The following RYR1 variants were observed in gnomAD, a reference collection of about 807,000 sequenced individuals.
RYR1 encodes central core disease of muscle.
A neutral mutation model predicts 583.5 loss-of-function variants in RYR1; 342 were observed. The observed-to-expected ratio is 0.59, with a 90% CI of 0.54 to 0.64. The LOEUF (loss-of-function observed/expected upper bound fraction) is 0.64, where lower values mean the gene tolerates loss of function less well. Among genes scored for constraint, RYR1 ranks in the 30% least tolerant of loss-of-function variants. The pLI is 0.00. For missense variants in RYR1, 6,032 were observed against 6,917.2 expected, an observed-to-expected ratio of 0.87 and a Z score of 4.54; for synonymous variants, 2,791 against 2,822.5, an observed-to-expected ratio of 0.99 and a Z score of 0.35.
intron 20 of RYR1, among the ~76,000 whole-genome samples, chr19:38,462,067 A>G (rs866903499): frequency 6.6e-6 from 1 of 152,134 alleles, no homozygotes; most frequent in South Asian, 2.1e-4. Flanking sequence ...AAGAAGAAAG[A>G]AAGAAAGGAC....
Position 38,490,730 on chromosome 19 carries a change from G to C in RYR1, c.6125G>C (p.Cys2042Ser). 1 of 1,596,398 alleles carries C rather than the reference G, an allele frequency of 6.3e-7. No individual in the cohort carries two copies. The highest frequency in any genetic ancestry group is 1.7e-4 in the Middle Eastern group (1 of 6,026). Residue 2042 changes from cysteine to serine, a missense_variant and splice_region_variant, in exon 37 of 106, where the codon TGT (cysteine) becomes TCT (serine). Transcript: ENST00000359596. Reference protein sequence around the residue: ...LDFHQDLLAHCGIQLDGEEEE... With the variant: ...LDFHQDLLAHSGIQLDGEEEE... ...TTTCATCAAGACCTGCTGGCACACTGTGGTAAGGAGTGGGGATCAGAGAGT... is the reference window on the plus strand; with the variant it reads ...TTTCATCAAGACCTGCTGGCACACTCTGGTAAGGAGTGGGGATCAGAGAGT...
intron 24 of RYR1, 103 bp downstream of exon 24, chr19:38,466,501 C>CTTT (rs869097541): frequency 2.0e-4 from 126 of 641,738 alleles, no homozygotes; most frequent in African/African-American, 7.7e-4. Flanking sequence ...TGGGCTATAT[C>CTTT]TTTTTTTTTT....
intron 93 of RYR1, 127 bp downstream of exon 93, chr19:38,568,044 T>A: frequency 8.7e-7 from 1 of 1,145,018 alleles, no homozygotes; most frequent in Non-Finnish European, 1.3e-6. Context: ...GAACCCTAGC[T>A]GGGGAAAGGG....
At chr19:38,462,891 C>CTTTTTTTTTTT (rs553168266) in intron 20 of RYR1, among the ~76,000 whole-genome samples, 5 of 78,754 alleles carry the variant, frequency 6.3e-5, no homozygotes, top group East Asian at 4.3e-4. Context: ...ACTCTCTCTT[C>CTTTTTTTTTTT]TTTTTTTTTT....
In RYR1 at chr19:38,576,531, G is replaced by A. The variant is rs142712625; in HGVS notation, c.14172+570G>A. On this transcript the variant is annotated intron_variant, in intron 97 of 105. Coordinates refer to ENST00000359596, the MANE Select transcript of RYR1 (RefSeq NM_000540.3). The stretch of plus-strand genomic sequence containing the variant: ...GAATACTCAAGAAATACTGGTTGAG[G>A]CCAGGAGCAGTGGCACACGCCTGTA... Among the ~76,000 whole-genome samples the A allele has an allele frequency of 4.4e-3, 668 of 152,130 alleles. 4 individuals are homozygous for A. Among genetic ancestry groups the A allele is most frequent in the Middle Eastern group, 0.02 (6 of 294 alleles).
At chr19:38,458,619 T>TG (rs1967556783) in intron 18 of RYR1, among the ~76,000 whole-genome samples, 1 of 88,826 alleles carries the variant, frequency 1.1e-5, no homozygotes, top group Admixed American at 1.1e-4. Context: ...ATTTTGTTTG[T>TG]TTGTTTGTTT....
chr19:38,496,233 A>C lies in RYR1; in HGVS notation c.6567A>C (p.Lys2189Asn). The C allele has an allele frequency of 6.2e-7, 1 of 1,613,746 alleles. No individual in the cohort carries two copies. The highest frequency in any genetic ancestry group is 1.1e-5 in the South Asian group (1 of 91,072). ...TGCACAGGAACATCATGAACAACAA[A>C]GTCTTCTACCAACACCCGAACCTGA... ...IQSIGNIMNN[K>N]VFYQHPNLMR... The change falls in exon 40 of 106, where the codon AAA becomes AAC. Residue 2189 changes from lysine (K) to asparagine (N), a missense_variant. Coordinates refer to ENST00000359596, the MANE Select transcript of RYR1 (RefSeq NM_000540.3). The surrounding 1 kb of genome is among the most constrained non-coding windows in gnomAD (Gnocchi z 4.8).
chr19:38,537,144 C>T, intron 83 of RYR1: 1 of 329,154 alleles, frequency 3.0e-6, no homozygotes, highest in Middle Eastern at 9.8e-4. Flanking sequence ...CTGCTCTCTG[C>T]ACCCCGACCT....
chr19:38,561,939 G>A lies in RYR1; in HGVS notation c.12624+485G>A, dbSNP rs897431689. Among the ~76,000 whole-genome samples the A allele has an allele frequency of 2.6e-5, 4 of 152,096 alleles. No homozygotes were observed. The highest frequency in any genetic ancestry group is 7.2e-5 in the African/African-American group (3 of 41,430). ...ACACGCTCGCCTTGGGGGCTCTGGGGTGCCCTGGCATGCTGACCCACCCTT... is the reference window on the plus strand; with the variant it reads ...ACACGCTCGCCTTGGGGGCTCTGGGATGCCCTGGCATGCTGACCCACCCTT... On this transcript the variant is annotated intron_variant, in intron 90 of 105. Coordinates refer to ENST00000359596, the MANE Select transcript of RYR1 (RefSeq NM_000540.3). The surrounding 1 kb of genome is among the most constrained non-coding windows in gnomAD (Gnocchi z 4.8).
In RYR1 at chr19:38,473,404, A is replaced by C. The variant is rs1395393954; in HGVS notation, c.3793A>C (p.Thr1265Pro). The C allele has an allele frequency of 6.2e-7, 1 of 1,613,686 alleles. No homozygotes were observed. Among genetic ancestry groups the C allele is most frequent in the Non-Finnish European group, 8.5e-7 (1 of 1,179,926 alleles). The change falls in exon 28 of 106, where the codon ACG (threonine) becomes CCG (proline). Residue 1265 changes from threonine to proline, a missense_variant. Thr to Pro is a conservative substitution (Grantham distance 38). Transcript: ENST00000359596. The stretch of plus-strand genomic sequence containing the variant: ...ATCCCGAGTGGACGGCACTGTGGAC[A>C]CGCCCCCCTGCCTGCGCCTGACCCA... ...EVSRVDGTVD[T>P]PPCLRLTHRT...
intron 27 of RYR1, among the ~76,000 whole-genome samples, chr19:38,471,897 C>G (rs917563722): frequency 9.5e-6 from 1 of 104,890 alleles, no homozygotes; most frequent in Admixed American, 1.1e-4. Flanking sequence ...GAGACTCTGT[C>G]TCAAAAAAAA....
chr19:38,578,225 T>G, intron 99 of RYR1, 21 bp downstream of exon 99: 1 of 1,611,758 alleles, frequency 6.2e-7, no homozygotes, highest in South Asian at 1.1e-5. Flanking sequence ...GCCCACAGAC[T>G]GGGGAGGGAC....
At chr19:38,576,099 C>A in intron 97 of RYR1, 138 bp downstream of exon 97, 1 of 902,214 alleles carries the variant, frequency 1.1e-6, no homozygotes, top group Non-Finnish European at 1.8e-6. Context: ...ACCTCAGTTT[C>A]CCCATGGGGA....
At position 38,466,262 on chromosome 19, in the gene RYR1, G is replaced by A. The variant is rs2228074; in HGVS notation, c.3042G>A (p.Ala1014=). 6.5e-4 allele frequency: 1,046 copies of A among 1,613,208 alleles called. 5 individuals carry two copies. In the African/African-American group the frequency reaches 0.011, roughly 17 times the overall value. The change falls in exon 24 of 106, where the codon GCG becomes GCA. Residue 1014 remains alanine (A), a synonymous_variant. Transcript: ENST00000359596. ...WSYSAVQDIP[A]RRNPRLVPYR... ...ACAGCGCAGTGCAGGACATCCCAGC[G>A]CGCCGAAACCCTCGGCTGGTGCCCT...
intron 89 of RYR1, among the ~76,000 whole-genome samples, chr19:38,549,698 C>CTTTTT (rs71165559): frequency 1.1e-3 from 60 of 52,412 alleles, no homozygotes; most frequent in Non-Finnish European, 1.4e-3. Context: ...CTTTCCTTTC[C>CTTTTT]TTTTTTTTTT....
intron 28 of RYR1, among the ~76,000 whole-genome samples, chr19:38,474,561 C>T (rs1239866201): frequency 1.5e-5 from 2 of 137,554 alleles, no homozygotes; most frequent in African/African-American, 5.5e-5. Context: ...CCACGCCCGG[C>T]TCCTTTTTTT....
chr19:38,493,691 T>C (rs977345985), intron 38 of RYR1, among the ~76,000 whole-genome samples: 3 of 151,996 alleles, frequency 2.0e-5, no homozygotes, highest in Admixed American at 2.0e-4. Context: ...GGCTAATTTT[T>C]GTATTTTTAG....
chr19:38,574,771 C>T (rs1246803244), intron 96 of RYR1, among the ~76,000 whole-genome samples: 1 of 152,078 alleles, frequency 6.6e-6, no homozygotes, highest in Non-Finnish European at 1.5e-5. Context: ...CACAGTGGCT[C>T]ACATCTGTAA....
chr19:38,510,861 G>A, intron 60 of RYR1, 80 bp downstream of exon 60: 1 of 1,598,744 alleles, frequency 6.3e-7, no homozygotes, highest in East Asian at 2.2e-5. Context: ...TCTGTCCTGG[G>A]TGCTGGGTGT....
Sources: gnomAD v4.1 joint callset for allele counts (sites outside exome capture counted in the v4.1 genomes callset) on GRCh38, gnomAD v4.1.1 for gene constraint, Gnocchi (gnomAD v3.1) non-coding constraint, MANE v1.5 for transcripts, NCBI Gene and HGNC (gene_info 2026-07-23, HGNC 2026-07-21) for gene names.